Variants in SEC16B observed in about 807,000 individuals in gnomAD.
The protein encoded by SEC16B is protein transport protein Sec16B.
A neutral mutation model predicts 141.8 loss-of-function variants in SEC16B; 115 were observed. The ratio of observed to expected loss-of-function variants is 0.81; its 90% CI spans 0.70 to 0.95. The LOEUF (loss-of-function observed/expected upper bound fraction) is 0.95. Among genes scored for constraint, SEC16B ranks in the 40% least tolerant of loss-of-function variants. The probability of loss-of-function intolerance (pLI) is 0.00; values close to 1 mark genes in which losing one functional copy is unlikely to be tolerated. For missense variants in SEC16B, 1,291 were observed against 1,312.3 expected, an observed-to-expected ratio of 0.98 and a Z score of 0.25; for synonymous variants, 493 against 492.5, an observed-to-expected ratio of 1.00 and a Z score of -0.01.
chr1:177,956,676 C>T (rs182824807), intron 10 of SEC16B, among the ~76,000 whole-genome samples: 1 of 152,286 alleles, frequency 6.6e-6, no homozygotes, highest in African/African-American at 2.4e-5. Context: ...CAATCTTCAT[C>T]TGTTTAAAGT....
chr1:177,948,662 G>A, intron 12 of SEC16B: 1 of 1,273,350 alleles, frequency 7.9e-7, no homozygotes, highest in Non-Finnish European at 1.0e-6. Flanking sequence ...AGAATTTCAA[G>A]GCAGAAAATA....
rs370887003 is a variant in SEC16B, at chr1:177,941,947, T to C, written c.1975A>G (p.Ser659Gly). The C allele has an allele frequency of 4.3e-6, 7 of 1,613,946 alleles. No homozygotes were observed. The highest frequency in any genetic ancestry group is 5.9e-6 in the Non-Finnish European group (7 of 1,179,876). The change falls in exon 16 of 26, where the codon AGC becomes GGC. Residue 659 changes from serine (S) to glycine (G), a missense_variant. Around this residue, in one of 3 missense-constraint regions of SEC16B, gnomAD observed 605 missense variants for 614.1 expected, o/e 0.99. Transcript: ENST00000308284. ...ACAGGGTGACTGCTCTCTCCCTGGC[T>C]CAAGACAGCTGCACCAATGGCTTCG... ...YCEAIGAAVL[S>G]QGESSHPVLL...
At chr1:177,936,809 C>T (rs1650876479) in intron 19 of SEC16B, among the ~76,000 whole-genome samples, 1 of 152,156 alleles carries the variant, frequency 6.6e-6, no homozygotes. Flanking sequence ...TGAAGAAACT[C>T]GGGACCAAGA....
At chr1:177,937,180 A>AT in intron 19 of SEC16B, 34 bp downstream of exon 19, 1 of 1,570,706 alleles carries the variant, frequency 6.4e-7, no homozygotes, top group Admixed American at 1.8e-5. Flanking sequence ...CAGACCCTAC[A>AT]TTCAATGTGG....
intron 15 of SEC16B, 147 bp from the exon 16 acceptor site, chr1:177,942,187 T>G: frequency 1.2e-6 from 1 of 853,186 alleles, no homozygotes. Flanking sequence ...TTTGGAGCAT[T>G]TTATCTATGC....
chr1:177,945,327 C>T (rs1651602915), intron 14 of SEC16B: 1 of 152,248 alleles, frequency 6.6e-6, no homozygotes, highest in Non-Finnish European at 1.5e-5. Flanking sequence ...ACCACAATCA[C>T]CAGGTTATTC....
At chr1:177,957,824 C>G (rs1423632244) in intron 10 of SEC16B, among the ~76,000 whole-genome samples, 1 of 139,872 alleles carries the variant, frequency 7.1e-6, no homozygotes, top group Non-Finnish European at 1.5e-5. Context: ...ACTGCCCTTC[C>G]CAGCCTCTGA....
At chr1:177,948,360 G>A (rs1263655723) in intron 12 of SEC16B, 2 of 1,304,460 alleles carry the variant, frequency 1.5e-6, no homozygotes, top group East Asian at 5.5e-5. Context: ...CACAGAAGTC[G>A]GGGGAACACG....
chr1:177,955,092 T>A (rs1652494050), intron 10 of SEC16B, among the ~76,000 whole-genome samples: 1 of 151,902 alleles, frequency 6.6e-6, no homozygotes. Flanking sequence ...GATCAAAGCC[T>A]CAATAGAAAA....
At chr1:177,963,474 G>T (rs1419571038) in intron 5 of SEC16B, among the ~76,000 whole-genome samples, 1 of 151,728 alleles carries the variant, frequency 6.6e-6, no homozygotes, top group Non-Finnish European at 1.5e-5. Flanking sequence ...ATGGTGGCAG[G>T]CACCTGTAAT....
intron 10 of SEC16B, 115 bp downstream of exon 10, chr1:177,958,017 C>T: frequency 1.6e-6 from 1 of 620,196 alleles, no homozygotes; most frequent in Non-Finnish European, 2.4e-6. Flanking sequence ...TTCCGAACTT[C>T]TTGCATCCTC....
chr1:177,949,256 C>A (rs76178832), intron 12 of SEC16B, among the ~76,000 whole-genome samples: 4 of 152,208 alleles, frequency 2.6e-5, no homozygotes, highest in Non-Finnish European at 5.9e-5. Flanking sequence ...ATATCCTGTG[C>A]TAAGCATTTC....
Position 177,942,059 on chromosome 1 carries a change from C to A in SEC16B, c.1882-19G>T. On this transcript the variant is annotated intron_variant, in intron 15 of 25. Transcript: ENST00000308284. The stretch of plus-strand genomic sequence containing the variant: ...TATACACCTGTGAAGAGAAAAGAGT[C>A]AGTGACTAGTCCATCCAGGCAGGGA... 6.2e-7 allele frequency: 1 copy of A among 1,605,752 alleles called. No homozygotes were observed. The highest frequency in any genetic ancestry group is 1.1e-5 in the South Asian group (1 of 89,654).
intron 17 of SEC16B, among the ~76,000 whole-genome samples, 159 bp from the exon 18 acceptor site, chr1:177,939,936 A>G (rs1184983324): frequency 6.6e-6 from 1 of 152,180 alleles, no homozygotes; most frequent in Non-Finnish European, 1.5e-5. Context: ...GGTCACGTGG[A>G]CAGGGCTCCC....
chr1:177,967,872 G>A lies in SEC16B; in HGVS notation c.110C>T (p.Pro37Leu), dbSNP rs1287405597. The stretch of plus-strand genomic sequence containing the variant: ...CCTCTCTCCATTGTGCCAAGAGTGA[G>A]GGACAGGCCGATGATGTCCATCTCT... ...FRRDGHHRPVPHSWHNGERFH... is the reference protein window; with the variant it reads ...FRRDGHHRPVLHSWHNGERFH... Residue 37 changes from proline to leucine, a missense_variant, in exon 2 of 26, where the codon CCT (proline) becomes CTT (leucine). Physicochemically the swap from Pro to Leu is moderately conservative, Grantham distance 98. This residue lies in a region of SEC16B where 681 missense variants were observed against 675.5 expected (regional missense o/e 1.01). Transcript: ENST00000308284. The A allele has an allele frequency of 3.7e-6, 6 of 1,613,980 alleles. 1 individual carries two copies. The highest frequency in any genetic ancestry group is 5.1e-6 in the Non-Finnish European group (6 of 1,179,898).
intron 13 of SEC16B, among the ~76,000 whole-genome samples, chr1:177,947,104 C>T (rs990671354): frequency 3.3e-5 from 5 of 152,182 alleles, no homozygotes; most frequent in Admixed American, 3.3e-4. Context: ...ACTCAGGGTG[C>T]TGCATGGCCT....
chr1:177,944,430 C>T (rs560077899), intron 15 of SEC16B, 131 bp downstream of exon 15: 2 of 703,930 alleles, frequency 2.8e-6, no homozygotes, highest in Admixed American at 2.5e-5. Flanking sequence ...CCCTCCCACG[C>T]TTAAGCTAAT....
chr1:177,961,027 G>A (rs1417410307), intron 6 of SEC16B, 88 bp from the exon 7 acceptor site: 1 of 1,449,196 alleles, frequency 6.9e-7, no homozygotes, highest in Non-Finnish European at 9.4e-7. Flanking sequence ...ATGTATTTCT[G>A]CCCAAATTCT....
chr1:177,946,149 A>C (rs1388965864), intron 14 of SEC16B: 22 of 587,114 alleles, frequency 3.7e-5, no homozygotes, highest in African/African-American at 5.6e-5. Context: ...GGTGCCACCC[A>C]GTGGCCAAAG....
Sources: gnomAD v4.1 joint callset for allele counts (sites outside exome capture counted in the v4.1 genomes callset) on GRCh38, gnomAD v4.1.1 for gene constraint, gnomAD v4.1.1 regional missense constraint, MANE v1.5 for transcripts, NCBI Gene and HGNC (gene_info 2026-07-23, HGNC 2026-07-21) for gene names.